Variants in RBM20 observed in about 807,000 individuals in gnomAD.
RBM20 encodes RNA-binding protein 20.
In RBM20, 51 loss-of-function variants were observed where a neutral mutation model predicts 110.1. The ratio of observed to expected loss-of-function variants is 0.46; its 90% CI spans 0.37 to 0.59. RBM20 has a LOEUF of 0.59. Among genes scored for constraint, RBM20 ranks in the 20% least tolerant of loss-of-function variants. RBM20 has a pLI of 0.00. For synonymous variants in RBM20, 589 were observed against 618.2 expected (o/e 0.95, Z 0.70); for missense variants, 1,512 against 1,574.9 (o/e 0.96, Z 0.68).
chr10:110,662,899 A>T (rs1183053304), intron 1 of RBM20, among the ~76,000 whole-genome samples: 1 of 151,916 alleles, frequency 6.6e-6, no homozygotes, highest in African/African-American at 2.4e-5. Flanking sequence ...ACATCCCTCA[A>T]ATCTGGCCCC....
chr10:110,717,846 G>C (rs1456179734), intron 1 of RBM20, among the ~76,000 whole-genome samples: 1 of 152,196 alleles, frequency 6.6e-6, no homozygotes, highest in Non-Finnish European at 1.5e-5. Flanking sequence ...GACCCAAAGC[G>C]CTCCATTGCA....
chr10:110,782,157 C>T (rs1844362362), intron 2 of RBM20, among the ~76,000 whole-genome samples: 1 of 152,216 alleles, frequency 6.6e-6, no homozygotes, highest in Non-Finnish European at 1.5e-5. Flanking sequence ...CAAAGGACCC[C>T]ACCTGGGTTG....
Position 110,715,314 on chromosome 10 carries a change from A to G in RBM20, c.192-65487A>G, listed in dbSNP as rs538053695. On this transcript the variant is annotated intron_variant, in intron 1 of 13. Transcript: ENST00000369519. ...ATAATTTGTGAATATTCGTACTTCT[A>G]TACTCCATCACTCTTTACTGACTAA... Among the ~76,000 whole-genome samples, 10 of 150,094 alleles carry G rather than the reference A, an allele frequency of 6.7e-5. No individual in the cohort carries two copies. The South Asian group carries it at 1.5e-3, about 22-fold the overall frequency.
At chr10:110,806,777 A>G (rs1473202990) in intron 7 of RBM20, among the ~76,000 whole-genome samples, 1 of 152,234 alleles carries the variant, frequency 6.6e-6, no homozygotes, top group Non-Finnish European at 1.5e-5. Context: ...CCAAAATTTT[A>G]TCATAGACCT....
rs1465385611 is a variant in RBM20 at position 110,727,416 on chromosome 10, A to T, written c.192-53385A>T. On this transcript the variant is annotated intron_variant, in intron 1 of 13. Coordinates refer to ENST00000369519, the MANE Select transcript of RBM20 (RefSeq NM_001134363.3). The stretch of plus-strand genomic sequence containing the variant: ...GTCCGTCTCAAAAAATAAAAATAAA[A>T]AAAAAATAAATAAAAAGTCCATCCT... Among the ~76,000 whole-genome samples the T allele has an allele frequency of 8.4e-4, 98 of 116,888 alleles. 2 individuals are homozygous for T. The highest frequency in any genetic ancestry group is 2.3e-4 in the Non-Finnish European group (13 of 55,320). The allele number at this position is 116,888 out of a possible 152,430, so 76.7% of individuals were successfully genotyped here.
At chr10:110,683,309 T>G (rs1276846386) in intron 1 of RBM20, among the ~76,000 whole-genome samples, 1 of 152,262 alleles carries the variant, frequency 6.6e-6, no homozygotes. Context: ...CTCAAAGCAC[T>G]GGTCAGATTT....
intron 1 of RBM20, among the ~76,000 whole-genome samples, chr10:110,695,030 T>C (rs1426727439): frequency 1.3e-5 from 2 of 152,178 alleles, no homozygotes; most frequent in Non-Finnish European, 2.9e-5. Context: ...AGGGCAAAAC[T>C]GAATTTTTCA....
intron 1 of RBM20, among the ~76,000 whole-genome samples, chr10:110,651,519 C>T (rs957415393): frequency 1.3e-5 from 2 of 152,186 alleles, no homozygotes; most frequent in Non-Finnish European, 2.9e-5. Context: ...GTAGCACTTT[C>T]AGCTTGGGAG....
intron 1 of RBM20, among the ~76,000 whole-genome samples, chr10:110,700,271 TGG>T (rs1330720238): frequency 6.6e-6 from 1 of 152,158 alleles, no homozygotes; most frequent in East Asian, 1.9e-4. Context: ...CAAGGTTGGC[TGG>T]GTTTATAGGT....
At chr10:110,783,550 T>C (rs181093592) in intron 3 of RBM20, 123 bp downstream of exon 3, 1 of 695,560 alleles carries the variant, frequency 1.4e-6, no homozygotes, top group East Asian at 3.0e-5. Flanking sequence ...CAGGCAAAGT[T>C]CCTGCCCTCA....
upstream of RBM20, among the ~76,000 whole-genome samples, chr10:110,644,218 C>G (rs1229522548): frequency 1.3e-5 from 2 of 152,146 alleles, no homozygotes; most frequent in African/African-American, 2.4e-5. This position sits in a 1 kb window ranked among gnomAD's most constrained non-coding sequence, Gnocchi z 4.3. Context: ...CAGCTCCCGC[C>G]GGTCGGGAGA....
At chr10:110,697,461 G>T (rs1862683042) in intron 1 of RBM20, among the ~76,000 whole-genome samples, 1 of 152,256 alleles carries the variant, frequency 6.6e-6, no homozygotes, top group Non-Finnish European at 1.5e-5. Flanking sequence ...ACTCTTCAGT[G>T]TGTATTGAGC....
intron 1 of RBM20, among the ~76,000 whole-genome samples, chr10:110,692,450 G>A (rs1862599764): frequency 6.6e-6 from 1 of 152,114 alleles, no homozygotes; most frequent in Non-Finnish European, 1.5e-5. Context: ...AGTTTTCAGT[G>A]TAGAAGCCTT....
intron 1 of RBM20, among the ~76,000 whole-genome samples, chr10:110,754,817 T>G (rs757075458): frequency 2.0e-5 from 3 of 152,358 alleles, no homozygotes; most frequent in Non-Finnish European, 4.4e-5. Context: ...CAGGTCGGTT[T>G]CTGCTCTCTG....
chr10:110,708,755 G>T (rs1194342057), intron 1 of RBM20, among the ~76,000 whole-genome samples: 1 of 152,194 alleles, frequency 6.6e-6, no homozygotes, highest in African/African-American at 2.4e-5. Flanking sequence ...TTTTTTGAAA[G>T]TCTGTTCATT....
intron 5 of RBM20, 95 bp from the exon 6 acceptor site, chr10:110,797,413 T>C: frequency 2.5e-6 from 3 of 1,214,826 alleles, no homozygotes; most frequent in Non-Finnish European, 3.3e-6. Context: ...TTTACAATCA[T>C]TGTTTAGGGG....
intron 1 of RBM20, among the ~76,000 whole-genome samples, chr10:110,701,477 G>A (rs1431747285): frequency 2.6e-5 from 4 of 152,130 alleles, no homozygotes; most frequent in Admixed American, 6.6e-5. Context: ...TGTATGAGCC[G>A]GAGATTTCAC....
rs184643546 is a variant in RBM20 at position 110,742,129 on chromosome 10, A to T, written c.192-38672A>T. ...AGTTCCTGTAAAAAATAATAAATAAACCTAGGAGGAGCCTCAAAGTCCCTT... is the reference window on the plus strand; with the variant it reads ...AGTTCCTGTAAAAAATAATAAATAATCCTAGGAGGAGCCTCAAAGTCCCTT... On this transcript the variant is annotated intron_variant, in intron 1 of 13. Transcript: ENST00000369519. Among the ~76,000 whole-genome samples, 10 of 152,068 alleles carry T rather than the reference A, an allele frequency of 6.6e-5. No homozygotes were observed. The East Asian group carries it at 1.9e-3, about 29-fold the overall frequency.
intron 1 of RBM20, among the ~76,000 whole-genome samples, chr10:110,755,463 C>T (rs1037452997): frequency 6.6e-6 from 1 of 152,182 alleles, no homozygotes; most frequent in African/African-American, 2.4e-5. Context: ...GCTGAGGGCT[C>T]ATCCAATAAT....
Sources: allele counts gnomAD v4.1 joint callset (sites outside exome capture counted in the v4.1 genomes callset), GRCh38; gene constraint gnomAD v4.1.1; non-coding constraint Gnocchi (gnomAD v3.1); transcripts MANE v1.5; gene names NCBI Gene and HGNC (gene_info 2026-07-23, HGNC 2026-07-21).